Variants in ZNF350 observed in about 807,000 individuals in gnomAD.
ZNF350 encodes zinc finger protein 350.
ZNF350 carries 5 observed loss-of-function variants against 13.1 expected under a neutral mutation model. The ratio of observed to expected loss-of-function variants is 0.38; its 90% CI spans 0.20 to 0.80. The LOEUF (loss-of-function observed/expected upper bound fraction) is 0.80, where lower values mean the gene tolerates loss of function less well. ZNF350 is among the 30% of genes least tolerant of loss of function. The pLI, the probability that ZNF350 is intolerant of heterozygous loss-of-function variation, is 0.43. For missense variants in ZNF350, 534 were observed against 644.2 expected (o/e 0.83, Z 1.85); for synonymous variants, 199 against 224.2 (o/e 0.89, Z 1.00).
At chr19:51,979,886 T>C (rs2085991606) in intron 1 of ZNF350, among the ~76,000 whole-genome samples, 1 of 152,254 alleles carries the variant, frequency 6.6e-6, no homozygotes, top group South Asian at 2.1e-4. Context: ...GCTGCTCAGA[T>C]TGCTTGGCAT....
intron 2 of ZNF350, chr19:51,973,833 G>A (rs1016165792): frequency 3.3e-5 from 5 of 152,904 alleles, no homozygotes; most frequent in Admixed American, 6.5e-5. Context: ...AGTCTATTCC[G>A]TAACAGTATA....
intron 1 of ZNF350, chr19:51,981,997 A>G (rs1238484678): frequency 1.3e-5 from 2 of 152,230 alleles, no homozygotes; most frequent in Non-Finnish European, 2.9e-5. Flanking sequence ...GAGAGGCATT[A>G]AAATGTGACA....
rs1185972446 is a variant in ZNF350 at position 51,965,203 on chromosome 19, A to G, written c.1250T>C (p.Leu417Pro). 2 of 1,614,146 alleles carry G rather than the reference A, an allele frequency of 1.2e-6. No homozygotes were observed. The highest frequency in any genetic ancestry group is 4.5e-5 in the East Asian group (2 of 44,882). ...TGTGTGTATTCTCTTATGCTTAACC[A>G]GACACGACATATACGCAAACGCTTT... ...CGKAFAYMSC[L>P]VKHKRIHTRE... Residue 417 changes from leucine (L) to proline (P), a missense_variant, in exon 5 of 5, where the codon CTG becomes CCG. Leu to Pro is a moderately conservative substitution (Grantham distance 98). Coordinates refer to ENST00000243644, the MANE Select transcript of ZNF350 (RefSeq NM_021632.4).
At position 51,965,891 on chromosome 19, in the gene ZNF350, T is replaced by C. The variant is rs759776068; in HGVS notation, c.562A>G (p.Lys188Glu). 6.2e-6 allele frequency: 10 copies of C among 1,614,020 alleles called. No individual in the cohort carries two copies. Among genetic ancestry groups the C allele is most frequent in the Non-Finnish European group, 7.6e-6 (9 of 1,180,036 alleles). Residue 188 changes from lysine to glutamate, a missense_variant, in exon 5 of 5, where the codon AAG becomes GAG. Transcript: ENST00000243644. ...FPASQKLIST[K>E]SQFISPKHQK... ...TGCTTGGGACTGATGAATTGGGACT[T>C]AGTGCTGATGAGTTTTTGACTTGCA...
At position 51,964,659 on chromosome 19, in the gene ZNF350, C is replaced by A. The variant is rs549333592; in HGVS notation, c.*195G>T. On this transcript the variant is annotated 3_prime_UTR_variant, in exon 5 of 5. Coordinates refer to ENST00000243644, the MANE Select transcript of ZNF350 (RefSeq NM_021632.4). ...GGGCTTCCTTTACTCATTTAATTGA[C>A]ACAGTCGAGCAATTGCTGTGTATGT... The A allele has an allele frequency of 2.4e-5, 14 of 580,610 alleles. No individual in the cohort carries two copies. In the East Asian group the frequency reaches 3.8e-4, roughly 16 times the overall value. The allele number at this position is 580,610 out of a possible 1,614,324, so 36.0% of individuals were successfully genotyped here. A position where few individuals can be genotyped will look rare whatever the true frequency, so the allele number is the denominator to read the frequency against.
chr19:51,965,162 C>A lies in ZNF350; in HGVS notation c.1291G>T (p.Ala431Ser). 1 of 1,614,184 alleles carries A rather than the reference C, an allele frequency of 6.2e-7. No homozygotes were observed. The highest frequency in any genetic ancestry group is 8.5e-7 in the Non-Finnish European group (1 of 1,180,032). The change falls in exon 5 of 5, where the codon GCA becomes TCA. Residue 431 changes from alanine (A) to serine (S), a missense_variant. Transcript: ENST00000243644. ...GCAGGAGGATTTTCCACCTTGGCTG[C>A]CTCTTGTTTCTCCCTTGTGTGTATT... ...KRIHTREKQEAAKVENPPAER... is the reference protein window; with the variant it reads ...KRIHTREKQESAKVENPPAER...
rs987365077 is a variant in ZNF350, at chr19:51,976,881, T to A, written c.-171-2350A>T. The A allele has an allele frequency of 6.6e-6, 1 of 152,208 alleles. No individual in the cohort carries two copies. The highest frequency in any genetic ancestry group is 1.5e-5 in the Non-Finnish European group (1 of 68,046). The allele number at this position is 152,208 out of a possible 1,614,324, so 9.4% of individuals were successfully genotyped here. ...AAAAAGGTCTTAAAGTCGATTCTTC[T>A]GTTTTCTCCACTTGGAGTTTAGTTC... On this transcript the variant is annotated intron_variant, in intron 1 of 4. Transcript: ENST00000243644. The surrounding 1 kb of genome is among the most constrained non-coding windows in gnomAD (Gnocchi z 4.5).
chr19:51,966,348 A>G, intron 4 of ZNF350, 134 bp from the exon 5 acceptor site: 1 of 880,034 alleles, frequency 1.1e-6, no homozygotes, highest in East Asian at 2.9e-5. Context: ...CAATGCTGCG[A>G]TCTCAGCTCA....
chr19:51,971,012 A>T (rs563567979), intron 2 of ZNF350, among the ~76,000 whole-genome samples: 1 of 152,196 alleles, frequency 6.6e-6, no homozygotes, highest in Non-Finnish European at 1.5e-5. Flanking sequence ...TAGGACTGAA[A>T]GGCATGGCTG....
intron 4 of ZNF350, among the ~76,000 whole-genome samples, chr19:51,967,863 C>T (rs1307716937): frequency 2.0e-5 from 3 of 152,152 alleles, no homozygotes; most frequent in Non-Finnish European, 4.4e-5. Context: ...AAAGATGATT[C>T]TAGTTCCTTG....
Position 51,964,884 on chromosome 19 carries a change from A to G in ZNF350, c.1569T>C (p.Tyr523=), listed in dbSNP as rs1418541012. ...GGTTTTCTGTAACATAAAATAAGAC[A>G]TAATTGATCACGGAAGGCACAACCA... The part of the protein sequence containing the change: ...VNVVVPSVIN[Y]VLFYVTENP The change falls in exon 5 of 5, where the codon TAT becomes TAC. Residue 523 remains tyrosine (Y), a synonymous_variant. Transcript: ENST00000243644. The G allele has an allele frequency of 1.2e-6, 2 of 1,612,476 alleles. No individual in the cohort carries two copies. Among genetic ancestry groups the G allele is most frequent in the Non-Finnish European group, 1.7e-6 (2 of 1,178,654 alleles).
chr19:51,966,647 G>GT (rs750878746), intron 4 of ZNF350, among the ~76,000 whole-genome samples: 66 of 144,504 alleles, frequency 4.6e-4, no homozygotes, highest in Admixed American at 8.3e-4. Flanking sequence ...ATTTTTTGTT[G>GT]TTTTTTTTTT....
intron 4 of ZNF350, 67 bp from the exon 5 acceptor site, chr19:51,966,281 G>GTTTTTTTTTTTTTTTTTTTTTTTTTTTT (rs72177430): frequency 7.1e-7 from 1 of 1,404,008 alleles, no homozygotes; most frequent in African/African-American, 1.6e-5. Flanking sequence ...TGGTTTTTTT[G>GTTTTTTTTTTTTTTTTTTTTTTTTTTTT]TTTTTTTTGT....
At chr19:51,981,860 A>T (rs975032665) in intron 1 of ZNF350, 2 of 152,206 alleles carry the variant, frequency 1.3e-5, no homozygotes, top group Non-Finnish European at 2.9e-5. Flanking sequence ...TTCAGACTAA[A>T]GACTTTAACA....
intron 1 of ZNF350, 97 bp downstream of exon 1, chr19:51,986,673 T>G (rs765099273): frequency 2.0e-5 from 3 of 152,326 alleles, no homozygotes; most frequent in Non-Finnish European, 4.4e-5. Flanking sequence ...AACTATGTGG[T>G]CCAGGGTACA....
chr19:51,979,296 C>T (rs1005436911), intron 1 of ZNF350, among the ~76,000 whole-genome samples: 28 of 152,158 alleles, frequency 1.8e-4, no homozygotes, highest in Non-Finnish European at 3.2e-4. Context: ...CAGGCAAAAA[C>T]ATATTGGGCA....
At chr19:51,974,990 A>G (rs2085844426) in intron 1 of ZNF350, 1 of 152,278 alleles carries the variant, frequency 6.6e-6, no homozygotes, top group Non-Finnish European at 1.5e-5. Context: ...ATTGTCATAA[A>G]AACAGTACTG....
rs769439995 is a variant in ZNF350, at chr19:51,965,369, T to C, written c.1084A>G (p.Ile362Val). 1 of 1,614,128 alleles carries C rather than the reference T, an allele frequency of 6.2e-7. No individual in the cohort carries two copies. The highest frequency in any genetic ancestry group is 1.1e-5 in the South Asian group (1 of 91,086). ...GKSCSQKSGL[I>V]KHQRIHTGEK... is the part of the protein sequence containing the mutation. ...CCTGTGTGAATTCTTTGATGTTTAA[T>C]GAGACCTGATTTCTGAGAACAGGAT... The change falls in exon 5 of 5, where the codon ATT becomes GTT. Residue 362 changes from isoleucine to valine, a missense_variant. Transcript: ENST00000243644.
chr19:51,975,441 A>AAAC (rs1555765190), intron 1 of ZNF350, among the ~76,000 whole-genome samples: 3 of 151,404 alleles, frequency 2.0e-5, no homozygotes, highest in African/African-American at 7.3e-5. Flanking sequence ...AAAAAAAAAA[A>AAAC]AAAAAAAAAA....
Sources: allele counts gnomAD v4.1 joint callset (sites outside exome capture counted in the v4.1 genomes callset), GRCh38; gene constraint gnomAD v4.1.1; non-coding constraint Gnocchi (gnomAD v3.1); transcripts MANE v1.5; gene names NCBI Gene and HGNC (gene_info 2026-07-23, HGNC 2026-07-21).